CHSY1: variants seen among roughly 807,000 people sequenced by gnomAD.
CHSY1 encodes the protein chondroitin sulfate synthase 1, also known as N-acetylgalactosaminyl-proteoglycan 3-beta-glucuronosyltransferase 1.
Under a neutral mutation model 59.8 loss-of-function variants are expected in CHSY1, and 13 were observed. The ratio of observed to expected loss-of-function variants is 0.22; its 90% CI spans 0.14 to 0.35. The LOEUF (loss-of-function observed/expected upper bound fraction) is 0.35. Ranked by LOEUF, CHSY1 falls within the 10% of genes least tolerant of loss-of-function variation. The pLI, the probability that CHSY1 is intolerant of heterozygous loss-of-function variation, is 1.00. For missense variants in CHSY1, 947 were observed against 1,030.6 expected (o/e 0.92, Z 1.11); for synonymous variants, 459 against 401.2 (o/e 1.14, Z -1.72).
intron 2 of CHSY1, among the ~76,000 whole-genome samples, chr15:101,221,270 G>T (rs148778176): frequency 0.01 from 1,591 of 152,280 alleles, 23 homozygotes; most frequent in African/African-American, 0.036. Flanking sequence ...GAGGTGGGCG[G>T]ATCACTTGAG....
chr15:101,191,507 A>C (rs1248277570), intron 2 of CHSY1, among the ~76,000 whole-genome samples: 1 of 152,184 alleles, frequency 6.6e-6, no homozygotes, highest in African/African-American at 2.4e-5. Context: ...TCTGTCATAA[A>C]CTTGTTTAAA....
chr15:101,238,168 C>T (rs1429690881), intron 1 of CHSY1, among the ~76,000 whole-genome samples: 1 of 152,134 alleles, frequency 6.6e-6, no homozygotes, highest in Non-Finnish European at 1.5e-5. Context: ...ATAAAATATA[C>T]ATAACATAAA....
chr15:101,237,418 C>A (rs182565264), intron 1 of CHSY1, among the ~76,000 whole-genome samples: 1 of 152,110 alleles, frequency 6.6e-6, no homozygotes, highest in Non-Finnish European at 1.5e-5. Context: ...AGAGTGGACA[C>A]AGGAAGACCA....
At chr15:101,210,428 T>C (rs947356147) in intron 2 of CHSY1, among the ~76,000 whole-genome samples, 1 of 152,222 alleles carries the variant, frequency 6.6e-6, no homozygotes. Flanking sequence ...AGACACTAGA[T>C]GGATACTGGA....
At chr15:101,210,698 G>A (rs1025466933) in intron 2 of CHSY1, among the ~76,000 whole-genome samples, 7 of 152,188 alleles carry the variant, frequency 4.6e-5, no homozygotes, top group South Asian at 2.1e-4. Flanking sequence ...TTAAGGTTAC[G>A]TGGTCCAACC....
chr15:101,232,460 G>C (rs1193647259), intron 2 of CHSY1, among the ~76,000 whole-genome samples: 1 of 152,148 alleles, frequency 6.6e-6, no homozygotes, highest in African/African-American at 2.4e-5. Context: ...TAATAAGATG[G>C]CAAGTGTTCC....
At chr15:101,238,737 C>A (rs1311916868) in intron 1 of CHSY1, among the ~76,000 whole-genome samples, 10 of 152,108 alleles carry the variant, frequency 6.6e-5, no homozygotes, top group Non-Finnish European at 1.5e-4. Flanking sequence ...TAACAAAGAA[C>A]AAGAATAACA....
intron 2 of CHSY1, among the ~76,000 whole-genome samples, chr15:101,204,395 T>C (rs150768746): frequency 5.3e-5 from 8 of 151,280 alleles, no homozygotes; most frequent in African/African-American, 1.2e-4. Context: ...GATCGTGCCA[T>C]TGCACTCTAG....
Position 101,238,241 on chromosome 15 carries a change from G to A in CHSY1, c.321-2664C>T, listed in dbSNP as rs553757616. 1.2e-4 allele frequency among the ~76,000 whole-genome samples: 16 copies of A among 131,046 alleles called. No individual in the cohort carries two copies. The South Asian group carries it at 1.3e-3, about 11-fold the overall frequency. 86.0% of individuals were successfully genotyped at this position (131,046 alleles called of 152,430 possible). A position where few individuals can be genotyped will look rare whatever the true frequency, so the allele number is the denominator to read the frequency against. ...CAGCATTCAGTGTTGTGAAACCATC[G>A]GCACCATCCATTTCCAGAACTTTTT... On this transcript the variant is annotated intron_variant, in intron 1 of 2. Coordinates refer to ENST00000254190, the MANE Select transcript of CHSY1 (RefSeq NM_014918.5).
Position 101,176,250 on chromosome 15 carries a change from A to G in CHSY1, c.*1138T>C, listed in dbSNP as rs1427858823. On this transcript the variant is annotated 3_prime_UTR_variant, in exon 3 of 3. Coordinates refer to ENST00000254190, the MANE Select transcript of CHSY1 (RefSeq NM_014918.5). Reference sequence around the variant, plus strand: ...ATTAAATAAATTAAAGGTATTTCAGATACAAAGGATAAAACAAAACAGTAA... The same window carrying G: ...ATTAAATAAATTAAAGGTATTTCAGGTACAAAGGATAAAACAAAACAGTAA... The G allele has an allele frequency of 2.3e-5, 9 of 398,456 alleles. No individual in the cohort carries two copies. Among genetic ancestry groups the G allele is most frequent in the Non-Finnish European group, 4.4e-6 (1 of 226,026 alleles). 24.7% of individuals were successfully genotyped at this position (398,456 alleles called of 1,614,324 possible).
At chr15:101,231,266 A>G (rs2038890123) in intron 2 of CHSY1, among the ~76,000 whole-genome samples, 1 of 152,228 alleles carries the variant, frequency 6.6e-6, no homozygotes, top group African/African-American at 2.4e-5. Flanking sequence ...AAAAAGACGA[A>G]GTTCTTTTAT....
At position 101,205,734 on chromosome 15, in the gene CHSY1, G is replaced by A. The variant is rs1041011341; in HGVS notation, c.817-26754C>T. Among the ~76,000 whole-genome samples the A allele has an allele frequency of 3.9e-5, 6 of 152,230 alleles. No individual in the cohort carries two copies. In the South Asian group the frequency reaches 6.2e-4, roughly 16 times the overall value. On this transcript the variant is annotated intron_variant, in intron 2 of 2. Transcript: ENST00000254190. The stretch of plus-strand genomic sequence containing the variant: ...TGGGAGGCTGAGGTGGGTGGATCAC[G>A]AGATCAGGAGATCGAGACCATCCTG...
chr15:101,238,684 A>T (rs1173989000), intron 1 of CHSY1, among the ~76,000 whole-genome samples: 1 of 152,212 alleles, frequency 6.6e-6, no homozygotes, highest in Non-Finnish European at 1.5e-5. Context: ...GTGCCTATGG[A>T]TTTAAAATGG....
intron 2 of CHSY1, among the ~76,000 whole-genome samples, chr15:101,222,945 C>A (rs2038805049): frequency 6.6e-6 from 1 of 152,190 alleles, no homozygotes; most frequent in Non-Finnish European, 1.5e-5. Flanking sequence ...GGAAGATTAT[C>A]AAAGACTTTA....
At chr15:101,236,067 A>G (rs190981566) in intron 1 of CHSY1, among the ~76,000 whole-genome samples, 2 of 152,340 alleles carry the variant, frequency 1.3e-5, no homozygotes, top group African/African-American at 4.8e-5. Context: ...GACACTTACC[A>G]GAATAATGAG....
chr15:101,177,402 C>A lies in CHSY1; in HGVS notation c.2395G>T (p.Val799Leu), dbSNP rs145722081. 3.7e-5 allele frequency: 59 copies of A among 1,612,560 alleles called. No individual in the cohort carries two copies. In the African/African-American group the frequency reaches 6.1e-4, roughly 17 times the overall value. ...YSKSSNNNGS[V>L]RTA is the part of the protein sequence containing the mutation. ...AAAGCTGGACATTAGGCTGTCCTCA[C>A]TGAGCCATTATTATTGCTGCTTTTA... Residue 799 changes from valine to leucine, a missense_variant, in exon 3 of 3, where the codon GTG becomes TTG. Around this residue, in one of 4 missense-constraint regions of CHSY1, gnomAD observed 602 missense variants for 676.9 expected, o/e 0.89. Coordinates refer to ENST00000254190, the MANE Select transcript of CHSY1 (RefSeq NM_014918.5).
chr15:101,179,882 A>G lies in CHSY1; in HGVS notation c.817-902T>C, dbSNP rs551406269. 4.6e-5 allele frequency among the ~76,000 whole-genome samples: 7 copies of G among 152,372 alleles called. No individual in the cohort carries two copies. In the South Asian group the frequency reaches 1.4e-3, roughly 32 times the overall value. On this transcript the variant is annotated intron_variant, in intron 2 of 2. Coordinates refer to ENST00000254190, the MANE Select transcript of CHSY1 (RefSeq NM_014918.5). ...AGGAAGGGAATGTGCCTAATGCCTCAGTACATCTGGGCAAGGAGATGAACG... is the reference window on the plus strand; with the variant it reads ...AGGAAGGGAATGTGCCTAATGCCTCGGTACATCTGGGCAAGGAGATGAACG...
chr15:101,234,141 A>T (rs1010315905), intron 2 of CHSY1, among the ~76,000 whole-genome samples: 2 of 152,230 alleles, frequency 1.3e-5, no homozygotes, highest in Non-Finnish European at 2.9e-5. Context: ...CAGAGAAAAC[A>T]TCTACAAGCG....
chr15:101,235,657 G>C, intron 1 of CHSY1, 80 bp from the exon 2 acceptor site: 1 of 1,461,284 alleles, frequency 6.8e-7, no homozygotes, highest in Non-Finnish European at 9.5e-7. Context: ...TGCTCATCTT[G>C]TATCGCCGTG....
Sources: gnomAD v4.1 joint callset for allele counts (sites outside exome capture counted in the v4.1 genomes callset) on GRCh38, gnomAD v4.1.1 for gene constraint, gnomAD v4.1.1 regional missense constraint, MANE v1.5 for transcripts, NCBI Gene and HGNC (gene_info 2026-07-23, HGNC 2026-07-21) for gene names.